KCNQ5: variants seen among roughly 807,000 people sequenced by gnomAD.
KCNQ5 encodes the protein potassium voltage-gated channel subfamily Q member 5, also known as potassium voltage-gated channel subfamily KQT member 5.
KCNQ5 carries 30 observed loss-of-function variants against 98.2 expected under a neutral mutation model. The observed-to-expected ratio is 0.31, with a 90% CI of 0.23 to 0.41. The LOEUF (loss-of-function observed/expected upper bound fraction) is 0.41. Ranked by LOEUF, KCNQ5 falls within the 10% of genes least tolerant of loss-of-function variation. The pLI is 1.00. For missense variants in KCNQ5, 835 were observed against 1,182.5 expected (o/e 0.71, Z 4.31); for synonymous variants, 458 against 449.4 (o/e 1.02, Z -0.24).
chr6:73,042,399 A>G (rs1414865080), intron 3 of KCNQ5, among the ~76,000 whole-genome samples: 1 of 152,194 alleles, frequency 6.6e-6, no homozygotes, highest in Non-Finnish European at 1.5e-5. Flanking sequence ...ATTAACTTAT[A>G]TGGAAATACA....
rs1208152007 is a variant in KCNQ5 at position 73,098,593 on chromosome 6, G to T, written c.919-6664G>T. ...AAACCTTACAGGCCAGGAAAGAGTG[G>T]CATGGCATATTTAAAGTGCTGAAGG... On this transcript the variant is annotated intron_variant, in intron 5 of 13. Transcript: ENST00000370398. Among the ~76,000 whole-genome samples, 3 of 152,064 alleles carry T rather than the reference G, an allele frequency of 2.0e-5. No individual in the cohort carries two copies. The South Asian group carries it at 6.2e-4, about 32-fold the overall frequency.
intron 1 of KCNQ5, among the ~76,000 whole-genome samples, chr6:72,858,710 T>G (rs1267797217): frequency 2.6e-5 from 4 of 152,114 alleles, no homozygotes; most frequent in Non-Finnish European, 4.4e-5. Flanking sequence ...TATAGCATTC[T>G]CTGTTGTCTA....
chr6:73,075,874 T>C (rs1773517259), intron 3 of KCNQ5, among the ~76,000 whole-genome samples: 1 of 152,030 alleles, frequency 6.6e-6, no homozygotes, highest in Non-Finnish European at 1.5e-5. Flanking sequence ...CAATACCCCA[T>C]CTCTACAAAA....
At chr6:73,037,962 G>A (rs979062081) in intron 2 of KCNQ5, among the ~76,000 whole-genome samples, 1 of 151,962 alleles carries the variant, frequency 6.6e-6, no homozygotes, top group South Asian at 2.1e-4. Context: ...AGATCAATTT[G>A]GGAAGAATTG....
At chr6:73,016,311 T>A (rs1364769249) in intron 2 of KCNQ5, among the ~76,000 whole-genome samples, 1 of 151,878 alleles carries the variant, frequency 6.6e-6, no homozygotes, top group Non-Finnish European at 1.5e-5. Flanking sequence ...GCATACCTGG[T>A]GAGACAAGGA....
At chr6:72,888,910 A>G (rs1461264228) in intron 1 of KCNQ5, among the ~76,000 whole-genome samples, 1 of 152,158 alleles carries the variant, frequency 6.6e-6, no homozygotes, top group East Asian at 1.9e-4. Context: ...AAAATTCCCT[A>G]TCTTCATGGA....
At chr6:72,694,291 G>GC (rs1400601851) in intron 1 of KCNQ5, among the ~76,000 whole-genome samples, 1 of 152,110 alleles carries the variant, frequency 6.6e-6, no homozygotes, top group Non-Finnish European at 1.5e-5. Context: ...ATAAAGTTGT[G>GC]CCCCCCTGTG....
intron 1 of KCNQ5, among the ~76,000 whole-genome samples, chr6:72,851,451 C>T (rs1198339657): frequency 6.6e-6 from 1 of 152,160 alleles, no homozygotes; most frequent in Admixed American, 6.6e-5. Flanking sequence ...GCAAGCCCAG[C>T]TATTGGTCCT....
chr6:72,752,355 A>G (rs1160237709), intron 1 of KCNQ5, among the ~76,000 whole-genome samples: 1 of 152,156 alleles, frequency 6.6e-6, no homozygotes, highest in African/African-American at 2.4e-5. Context: ...ACAACCTCAG[A>G]CATTTAAGCT....
intron 1 of KCNQ5, among the ~76,000 whole-genome samples, chr6:72,734,531 T>G (rs1458226542): frequency 1.3e-5 from 2 of 152,114 alleles, no homozygotes; most frequent in Non-Finnish European, 2.9e-5. Context: ...CTAGTATTTT[T>G]TTTAAATGTA....
intron 1 of KCNQ5, among the ~76,000 whole-genome samples, chr6:72,940,972 A>G (rs1766203287): frequency 6.6e-6 from 1 of 152,190 alleles, no homozygotes; most frequent in South Asian, 2.1e-4. Flanking sequence ...AAAGAAAAAA[A>G]TTAGATGACT....
chr6:72,679,304 C>A (rs1285376665), intron 1 of KCNQ5, among the ~76,000 whole-genome samples: 1 of 151,990 alleles, frequency 6.6e-6, no homozygotes, highest in Non-Finnish European at 1.5e-5. Flanking sequence ...TTCACAATAG[C>A]AAAGACTTGG....
At chr6:73,114,393 A>T (rs1034493759) in intron 7 of KCNQ5, among the ~76,000 whole-genome samples, 3 of 152,256 alleles carry the variant, frequency 2.0e-5, no homozygotes, top group Non-Finnish European at 4.4e-5. Flanking sequence ...GGTTGGTGAG[A>T]GAACTAAATT....
chr6:73,103,802 A>G (rs552971312), intron 5 of KCNQ5, among the ~76,000 whole-genome samples: 62 of 152,288 alleles, frequency 4.1e-4, no homozygotes, highest in African/African-American at 1.3e-3. Context: ...TTGAAAGTAC[A>G]AAAGTGTGAC....
intron 10 of KCNQ5, among the ~76,000 whole-genome samples, chr6:73,159,932 C>T (rs1445921080): frequency 6.6e-6 from 1 of 152,136 alleles, no homozygotes; most frequent in African/African-American, 2.4e-5. Flanking sequence ...CTTCTATTGC[C>T]CCAAATGTGA....
chr6:72,724,702 A>C (rs1216698241), intron 1 of KCNQ5, among the ~76,000 whole-genome samples: 1 of 152,168 alleles, frequency 6.6e-6, no homozygotes, highest in Non-Finnish European at 1.5e-5. Flanking sequence ...GCCACTGTGC[A>C]TGAGTGCCAT....
At chr6:72,633,553 C>T (rs2098922264) in intron 1 of KCNQ5, among the ~76,000 whole-genome samples, 2 of 152,164 alleles carry the variant, frequency 1.3e-5, no homozygotes, top group Non-Finnish European at 2.9e-5. Context: ...TTCTAACATT[C>T]ATATGGAACC....
At chr6:72,803,066 T>TGAAC (rs1774743579) in intron 1 of KCNQ5, among the ~76,000 whole-genome samples, 1 of 152,146 alleles carries the variant, frequency 6.6e-6, no homozygotes, top group East Asian at 1.9e-4. Context: ...TTCAGGCCTC[T>TGAAC]AATATCAGAA....
chr6:72,647,701 G>A (rs1051528916), intron 1 of KCNQ5, among the ~76,000 whole-genome samples: 5 of 152,048 alleles, frequency 3.3e-5, no homozygotes, highest in African/African-American at 7.2e-5. Context: ...CAAAAGAGAG[G>A]GACCAAAACA....
Sources: allele counts gnomAD v4.1 joint callset (sites outside exome capture counted in the v4.1 genomes callset), GRCh38; gene constraint gnomAD v4.1.1; transcripts MANE v1.5; gene names NCBI Gene and HGNC (gene_info 2026-07-23, HGNC 2026-07-21).